ZFP64: variants seen among roughly 807,000 people sequenced by gnomAD.
The protein encoded by ZFP64 is zinc finger protein 64.
In ZFP64, 14 loss-of-function variants were observed where a neutral mutation model predicts 51.6. The observed-to-expected ratio is 0.27, with a 90% CI of 0.18 to 0.42. The LOEUF (loss-of-function observed/expected upper bound fraction) is 0.42, where lower values mean the gene tolerates loss of function less well. Among genes scored for constraint, ZFP64 ranks in the 10% least tolerant of loss-of-function variants. ZFP64 has a pLI of 1.00. For synonymous variants in ZFP64, 375 were observed against 361.4 expected (o/e 1.04, Z -0.43); for missense variants, 754 against 906.8 (o/e 0.83, Z 2.16).
chr20:52,157,913 T>C (rs1981452793), intron 5 of ZFP64, among the ~76,000 whole-genome samples: 1 of 152,118 alleles, frequency 6.6e-6, no homozygotes, highest in African/African-American at 2.4e-5. Flanking sequence ...AGTGAGAACA[T>C]GTAGTGTTTG....
intron 5 of ZFP64, among the ~76,000 whole-genome samples, chr20:52,134,399 G>C (rs945535036): frequency 6.6e-6 from 1 of 152,272 alleles, no homozygotes; most frequent in African/African-American, 2.4e-5. Context: ...TTACAGCAGA[G>C]TCACTGATTT....
At position 52,152,835 on chromosome 20, in the gene ZFP64, T is replaced by C; in HGVS notation, c.1357A>G (p.Ser453Gly). The change falls in exon 6 of 6, where the codon AGT becomes GGT. Residue 453 changes from serine (S) to glycine (G), a missense_variant. Ser to Gly is a moderately conservative substitution (Grantham distance 56). Coordinates refer to ENST00000216923, the MANE Select transcript of ZFP64 (RefSeq NM_018197.3). The stretch of plus-strand genomic sequence containing the variant: ...AGAACGGTCACGTCCGAGTTCTTAC[T>C]CTCACTGTACTCACTGTGCTGTCTC... ...HKRQHSEYSE[S>G]KNSDVTVLQF... The C allele has an allele frequency of 6.2e-7, 1 of 1,614,140 alleles. No individual in the cohort carries two copies. The highest frequency in any genetic ancestry group is 8.5e-7 in the Non-Finnish European group (1 of 1,179,988).
downstream of ZFP64, among the ~76,000 whole-genome samples, chr20:52,150,592 A>G (rs921622179): frequency 6.6e-6 from 1 of 152,258 alleles, no homozygotes; most frequent in African/African-American, 2.4e-5. Flanking sequence ...TGATGATAGG[A>G]AAATAAAGAA....
At chr20:52,176,954 C>T (rs371321901) in intron 2 of ZFP64, among the ~76,000 whole-genome samples, 9 of 152,260 alleles carry the variant, frequency 5.9e-5, no homozygotes, top group Non-Finnish European at 1.0e-4. Context: ...TCCTATATAA[C>T]GGAAAATTAA....
intron 5 of ZFP64, among the ~76,000 whole-genome samples, chr20:52,141,272 A>C (rs752806183): frequency 3.3e-5 from 5 of 152,212 alleles, no homozygotes; most frequent in Non-Finnish European, 5.9e-5. Flanking sequence ...GAAGTAATAC[A>C]TTTTGTAAGA....
chr20:52,137,727 G>A (rs575041290), intron 5 of ZFP64, among the ~76,000 whole-genome samples: 3 of 152,248 alleles, frequency 2.0e-5, no homozygotes, highest in South Asian at 4.1e-4. Context: ...AGTCATCTCA[G>A]CAAAACTCAG....
chr20:52,112,147 C>T (rs557227792), intron 5 of ZFP64, among the ~76,000 whole-genome samples: 51 of 151,454 alleles, frequency 3.4e-4, no homozygotes, highest in Non-Finnish European at 6.3e-4. Flanking sequence ...TCACATCCCA[C>T]CTGTGTGATC....
At chr20:52,103,823 A>G (rs2079079786) in intron 5 of ZFP64, among the ~76,000 whole-genome samples, 2 of 152,172 alleles carry the variant, frequency 1.3e-5, no homozygotes, top group South Asian at 2.1e-4. Context: ...TATCCTGGTT[A>G]TGGTAGCTCC....
In ZFP64 at chr20:52,102,107, C is replaced by CAAAAAAAAAAAAAA. The variant is rs34646115; in HGVS notation, c.764-3534_764-3521dup. Reference sequence around the variant, plus strand: ...AGCCTGGTGAGAGTAACTCCATCTCCAAAAAAAAAAAAAAAAAAGGCAGCA... The same window carrying CAAAAAAAAAAAAAA: ...AGCCTGGTGAGAGTAACTCCATCTCCAAAAAAAAAAAAAAAAAAAAAAAAAAAAAAAAGGCAGCA... On this transcript the variant is annotated intron_variant, in intron 5 of 8. Coordinates refer to the ZFP64 transcript ENST00000361387. Among the ~76,000 whole-genome samples the CAAAAAAAAAAAAAA allele has an allele frequency of 2.0e-3, 125 of 63,386 alleles. 4 individuals carry two copies. The highest frequency in any genetic ancestry group is 2.2e-3 in the African/African-American group (33 of 14,722). 41.6% of individuals were successfully genotyped at this position (63,386 alleles called of 152,430 possible). A position where few individuals can be genotyped will look rare whatever the true frequency, so the allele number is the denominator to read the frequency against.
At chr20:52,096,423 C>A (rs758526572) in intron 7 of ZFP64, among the ~76,000 whole-genome samples, 1 of 152,232 alleles carries the variant, frequency 6.6e-6, no homozygotes, top group Non-Finnish European at 1.5e-5. Context: ...GCCATTGGAC[C>A]AGCTGTGGAC....
chr20:52,090,340 A>T (rs910918623), intron 7 of ZFP64, among the ~76,000 whole-genome samples: 1 of 152,208 alleles, frequency 6.6e-6, no homozygotes, highest in Non-Finnish European at 1.5e-5. Context: ...TTGAATTAGC[A>T]TTCAGTGAGA....
chr20:52,169,274 C>G (rs1367717211), intron 2 of ZFP64, among the ~76,000 whole-genome samples: 1 of 152,184 alleles, frequency 6.6e-6, no homozygotes, highest in Non-Finnish European at 1.5e-5. Flanking sequence ...GCATCAAACT[C>G]TCAACTGAAA....
intron 7 of ZFP64, chr20:52,096,967 G>A: frequency 2.0e-6 from 1 of 493,560 alleles, no homozygotes; most frequent in South Asian, 1.6e-5. Context: ...CCTCTTGTAA[G>A]GCCAGAAAGC....
In ZFP64 at chr20:52,085,599, C is replaced by T. The variant is rs1437654705; in HGVS notation, c.1229-333G>A. On this transcript the variant is annotated intron_variant, in intron 8 of 8. Transcript: ENST00000361387. The surrounding 1 kb of genome is among the most constrained non-coding windows in gnomAD (Gnocchi z 4.3). ...ACCCCTTCAGTTTCAAATCTAAACT[C>T]CCATTTAACTTGACATCCCAGAATT... Among the ~76,000 whole-genome samples, 1 of 152,116 alleles carries T rather than the reference C, an allele frequency of 6.6e-6. No individual in the cohort carries two copies. Among genetic ancestry groups the T allele is most frequent in the Admixed American group, 6.5e-5 (1 of 15,286 alleles).
intron 5 of ZFP64, among the ~76,000 whole-genome samples, chr20:52,101,252 C>G (rs937027201): frequency 1.3e-5 from 2 of 152,168 alleles, no homozygotes; most frequent in Admixed American, 1.3e-4. Flanking sequence ...CTATCTGTGT[C>G]ACAATCACCT....
At chr20:52,135,255 A>T (rs1039318517) in intron 5 of ZFP64, among the ~76,000 whole-genome samples, 2 of 152,192 alleles carry the variant, frequency 1.3e-5, no homozygotes, top group Admixed American at 1.3e-4. Flanking sequence ...CTCAATGCCT[A>T]TGAATGGAAT....
In ZFP64 at chr20:52,152,807, T is replaced by C. The variant is rs1281330455; in HGVS notation, c.1385A>G (p.Gln462Arg). The C allele has an allele frequency of 6.2e-7, 1 of 1,611,768 alleles. No homozygotes were observed. Among genetic ancestry groups the C allele is most frequent in the African/African-American group, 1.3e-5 (1 of 74,916 alleles). The change falls in exon 6 of 6, where the codon CAG (glutamine) becomes CGG (arginine). Residue 462 changes from glutamine to arginine, a missense_variant. By Grantham distance (43) the Gln-to-Arg change is conservative (BLOSUM62 1). Transcript: ENST00000216923. Reference sequence around the variant, plus strand: ...CTGCTTGCTGGGGTCGATCTGAAACTGGAGAACGGTCACGTCCGAGTTCTT... The same window carrying C: ...CTGCTTGCTGGGGTCGATCTGAAACCGGAGAACGGTCACGTCCGAGTTCTT... Reference protein sequence around the residue: ...ESKNSDVTVLQFQIDPSKQPA... With the variant: ...ESKNSDVTVLRFQIDPSKQPA...
chr20:52,130,189 T>G (rs550327727), intron 5 of ZFP64, among the ~76,000 whole-genome samples: 1 of 151,950 alleles, frequency 6.6e-6, no homozygotes, highest in African/African-American at 2.4e-5. Flanking sequence ...TCTAAGACAC[T>G]GTATATGGTG....
At chr20:52,098,733 G>A (rs376688947) in intron 5 of ZFP64, 10 of 1,064,712 alleles carry the variant, frequency 9.4e-6, no homozygotes, top group Non-Finnish European at 1.2e-5. Context: ...ACCAGGCGGG[G>A]TGGCTCATGC....
Sources: gnomAD v4.1 joint callset for allele counts (sites outside exome capture counted in the v4.1 genomes callset) on GRCh38, gnomAD v4.1.1 for gene constraint, Gnocchi (gnomAD v3.1) non-coding constraint, MANE v1.5 for transcripts, NCBI Gene and HGNC (gene_info 2026-07-23, HGNC 2026-07-21) for gene names.